The following TLR1 variants were observed in gnomAD, a reference collection of about 807,000 sequenced individuals.
The protein encoded by TLR1 is toll-like receptor 1.
A neutral mutation model predicts 20.2 loss-of-function variants in TLR1; 19 were observed. The observed-to-expected ratio is 0.94, with a 90% CI of 0.66 to 1.38. The LOEUF (loss-of-function observed/expected upper bound fraction) is 1.38. Among genes scored for constraint, TLR1 ranks in the 40% most tolerant of loss-of-function variants. TLR1 has a pLI of 0.00. For synonymous variants in TLR1, 320 were observed against 334.5 expected (o/e 0.96, Z 0.47); for missense variants, 921 against 910.0 (o/e 1.01, Z -0.16).
downstream of TLR1, among the ~76,000 whole-genome samples, chr4:38,792,316 A>G (rs1361831366): frequency 6.6e-6 from 1 of 152,184 alleles, no homozygotes; most frequent in African/African-American, 2.4e-5. Flanking sequence ...AAATTTTTCA[A>G]GTACAGAAAA....
At position 38,797,431 on chromosome 4, in the gene TLR1, C is replaced by T. The variant is rs1726186553; in HGVS notation, c.1401G>A (p.Leu467=). The T allele has an allele frequency of 1.9e-6, 3 of 1,614,018 alleles. No homozygotes were observed. Among genetic ancestry groups the T allele is most frequent in the Admixed American group, 1.7e-5 (1 of 59,994 alleles). Residue 467 remains leucine (L), a synonymous_variant, in exon 4 of 4, where the codon CTG becomes CTA. Coordinates refer to ENST00000308979, the MANE Select transcript of TLR1 (RefSeq NM_003263.4). ...IKSIPKQVVK[L]EALQELNVAF... is the part of the protein sequence containing the mutation. ...CAACATTGAGTTCTTGCAAAGCTTC[C>T]AGTTTTACGACTTGTTTAGGAATGC...
rs779254336 is a variant in TLR1 at position 38,797,003 on chromosome 4, A to G, written c.1829T>C (p.Leu610Pro). 2.5e-5 allele frequency: 40 copies of G among 1,614,086 alleles called. No homozygotes were observed. Among genetic ancestry groups the G allele is most frequent in the Non-Finnish European group, 3.4e-5 (40 of 1,180,050 alleles). Residue 610 changes from leucine to proline, a missense_variant, in exon 4 of 4, where the codon CTC becomes CCC. Coordinates refer to ENST00000308979, the MANE Select transcript of TLR1 (RefSeq NM_003263.4). ...LCSYLDLPWY[L>P]RMVCQWTQTR... ...CTGGGTCCACTGGCACACCATCCTG[A>G]GATACCAGGGCAGATCCAAGTAGCT...
At chr4:38,791,750 T>C (rs946420814), downstream of TLR1, among the ~76,000 whole-genome samples, 3 of 152,278 alleles carry the variant, frequency 2.0e-5, no homozygotes, top group Non-Finnish European at 2.9e-5. Flanking sequence ...CTAACATTTA[T>C]TGAGCTTTTG....
exon 4 of TLR1, chr4:38,791,066 T>A (rs1447496723): frequency 6.6e-6 from 1 of 152,224 alleles, no homozygotes; most frequent in African/African-American, 2.4e-5. Flanking sequence ...AACTGTGTCC[T>A]AGTAGGATGA....
Position 38,796,628 on chromosome 4 carries a change from G to T in TLR1, c.2204C>A (p.Pro735Gln), listed in dbSNP as rs759915354. 7 of 1,614,064 alleles carry T rather than the reference G, an allele frequency of 4.3e-6. No homozygotes were observed. Among genetic ancestry groups the T allele is most frequent in the Non-Finnish European group, 5.9e-6 (7 of 1,180,048 alleles). The change falls in exon 4 of 4, where the codon CCG becomes CAG. Residue 735 changes from proline (P) to glutamine (Q), a missense_variant. By Grantham distance (76) the Pro-to-Gln change is moderately conservative. Coordinates refer to ENST00000308979, the MANE Select transcript of TLR1 (RefSeq NM_003263.4). ...ATAACTGCTAGGAATGGAGTACTGC[G>T]GAATGGGTTCCAGCAAGATCAGGAT... ...SLILILLEPIPQYSIPSSYHK... is the reference protein window; with the variant it reads ...SLILILLEPIQQYSIPSSYHK...
At chr4:38,790,368 A>C (rs546877859), downstream of TLR1, among the ~76,000 whole-genome samples, 7 of 152,240 alleles carry the variant, frequency 4.6e-5, no homozygotes, top group Non-Finnish European at 8.8e-5. Context: ...TATATGTTGC[A>C]AATGATTTTT....
chr4:38,803,406 G>A (rs1461674437), intron 2 of TLR1, among the ~76,000 whole-genome samples: 1 of 152,164 alleles, frequency 6.6e-6, no homozygotes, highest in South Asian at 2.1e-4. Context: ...GACCCATATG[G>A]ATTCACCACT....
In TLR1 at chr4:38,796,264, A is replaced by T; in HGVS notation, c.*207T>A. On this transcript the variant is annotated 3_prime_UTR_variant, in exon 4 of 4. Coordinates refer to ENST00000308979, the MANE Select transcript of TLR1 (RefSeq NM_003263.4). ...GAAACAAGTGGATCCCTTATGTGTCAGAACTGTTTAAATCAAAGTTATATC... is the reference window on the plus strand; with the variant it reads ...GAAACAAGTGGATCCCTTATGTGTCTGAACTGTTTAAATCAAAGTTATATC... 1.7e-6 allele frequency: 1 copy of T among 584,424 alleles called. No individual in the cohort carries two copies. Among genetic ancestry groups the T allele is most frequent in the Non-Finnish European group, 2.9e-6 (1 of 339,010 alleles). The allele number at this position is 584,424 out of a possible 1,614,324, so 36.2% of individuals were successfully genotyped here. A position where few individuals can be genotyped will look rare whatever the true frequency, so the allele number is the denominator to read the frequency against.
downstream of TLR1, among the ~76,000 whole-genome samples, chr4:38,792,036 C>T (rs1350898684): frequency 6.6e-6 from 1 of 152,098 alleles, no homozygotes; most frequent in East Asian, 1.9e-4. Flanking sequence ...ATTGTACCAC[C>T]GATTTCTAAA....
downstream of TLR1, among the ~76,000 whole-genome samples, chr4:38,795,621 A>C (rs149277446): frequency 7.9e-5 from 12 of 152,234 alleles, no homozygotes; most frequent in Non-Finnish European, 1.2e-4. Flanking sequence ...CTGAGGTGGA[A>C]CACTTTCTTG....
rs1726044513 is a variant in TLR1 at position 38,796,269 on chromosome 4, T to A, written c.*202A>T. 7 of 594,342 alleles carry A rather than the reference T, an allele frequency of 1.2e-5. No homozygotes were observed. Among genetic ancestry groups the A allele is most frequent in the South Asian group, 7.0e-5 (3 of 43,144 alleles). The allele number at this position is 594,342 out of a possible 1,614,324, so 36.8% of individuals were successfully genotyped here. On this transcript the variant is annotated 3_prime_UTR_variant, in exon 4 of 4. Transcript: ENST00000308979. ...AAGTGGATCCCTTATGTGTCAGAAC[T>A]GTTTAAATCAAAGTTATATCATTTC...
rs768928755 is a variant in TLR1, at chr4:38,798,770, A to C, written c.62T>G (p.Leu21Ter). ...AACTAAAAATTCACTTTCTTCAGATAATTGTATTCTGATCTGAAGTATTAA... is the reference window on the plus strand; with the variant it reads ...AACTAAAAATTCACTTTCTTCAGATCATTGTATTCTGATCTGAAGTATTAA... ...FMLILQIRIQ[L>*]SEESEFLVDR... Residue 21 changes from leucine (L) to a stop codon, truncating the protein, a stop_gained, in exon 4 of 4, where the codon TTA becomes TGA. Coordinates refer to ENST00000308979, the MANE Select transcript of TLR1 (RefSeq NM_003263.4). LOFTEE classifies it low-confidence loss of function (END_TRUNC). 1.2e-6 allele frequency: 2 copies of C among 1,611,666 alleles called. No homozygotes were observed. Among genetic ancestry groups the C allele is most frequent in the Non-Finnish European group, 1.7e-6 (2 of 1,179,542 alleles).
Position 38,796,520 on chromosome 4 carries a change from T to G in TLR1, c.2312A>C (p.Asn771Thr), listed in dbSNP as rs1238756601. 6.2e-7 allele frequency: 1 copy of G among 1,614,060 alleles called. No individual in the cohort carries two copies. The highest frequency in any genetic ancestry group is 8.5e-7 in the Non-Finnish European group (1 of 1,179,908). Reference protein sequence around the residue: ...EKSKRGLFWANLRAAINIKLT... With the variant: ...EKSKRGLFWATLRAAINIKLT... Reference sequence around the variant, plus strand: ...CTTAATATTAATGGCTGCCCTTAAGTTAGCCCAAAAAAGGCCACGTTTGCT... The same window carrying G: ...CTTAATATTAATGGCTGCCCTTAAGGTAGCCCAAAAAAGGCCACGTTTGCT... Residue 771 changes from asparagine (N) to threonine (T), a missense_variant, in exon 4 of 4, where the codon AAC (asparagine) becomes ACC (threonine). Transcript: ENST00000308979.
Position 38,796,602 on chromosome 4 carries a change from G to C in TLR1, c.2230C>G (p.His744Asp). ...IPQYSIPSSY[H>D]KLKSLMARRT... The stretch of plus-strand genomic sequence containing the variant: ...CTGGCCATGAGACTTTTGAGCTTGT[G>C]ATAACTGCTAGGAATGGAGTACTGC... Residue 744 changes from histidine (H) to aspartate (D), a missense_variant, in exon 4 of 4, where the codon CAC becomes GAC. Transcript: ENST00000308979. 6.2e-7 allele frequency: 1 copy of C among 1,614,178 alleles called. No homozygotes were observed. The highest frequency in any genetic ancestry group is 8.5e-7 in the Non-Finnish European group (1 of 1,180,028).
chr4:38,804,534 C>T (rs1403547294), intron 1 of TLR1, among the ~76,000 whole-genome samples, 152 bp from the exon 2 acceptor site: 4 of 152,198 alleles, frequency 2.6e-5, no homozygotes, highest in Admixed American at 2.0e-4. Flanking sequence ...AAATCACACA[C>T]GAGGTGTTAT....
At chr4:38,801,765 C>A (rs924166646) in intron 2 of TLR1, among the ~76,000 whole-genome samples, 1 of 152,104 alleles carries the variant, frequency 6.6e-6, no homozygotes, top group Non-Finnish European at 1.5e-5. Flanking sequence ...GCTATCATCA[C>A]AAAAATATAT....
chr4:38,793,680 C>A (rs1725856548), downstream of TLR1, among the ~76,000 whole-genome samples: 1 of 152,078 alleles, frequency 6.6e-6, no homozygotes, highest in African/African-American at 2.4e-5. Flanking sequence ...CTCTAAGTGA[C>A]TTTAGGTTCC....
rs953159848 is a variant in TLR1 at position 38,797,147 on chromosome 4, T to C, written c.1685A>G (p.Tyr562Cys). Residue 562 changes from tyrosine to cysteine, a missense_variant, in exon 4 of 4, where the codon TAT becomes TGT. Tyr to Cys is a radical substitution (Grantham distance 194). Transcript: ENST00000308979. Reference protein sequence around the residue: ...DSYKCDYPESYRGTLLKDFHM... With the variant: ...DSYKCDYPESCRGTLLKDFHM... ...AAAGTCCTTTAGTAGGGTTCCTCTA[T>C]AACTTTCCGGGTAGTCACACTTATA... 1.9e-6 allele frequency: 3 copies of C among 1,614,140 alleles called. No individual in the cohort carries two copies. Among genetic ancestry groups the C allele is most frequent in the African/African-American group, 2.7e-5 (2 of 74,950 alleles).
At chr4:38,802,948 GAA>G (rs1726773090) in intron 2 of TLR1, among the ~76,000 whole-genome samples, 1 of 152,150 alleles carries the variant, frequency 6.6e-6, no homozygotes, top group African/African-American at 2.4e-5. Context: ...GGCAGCCAGA[GAA>G]AGAGAGAGAG....
Sources: gnomAD v4.1 joint callset for allele counts (sites outside exome capture counted in the v4.1 genomes callset) on GRCh38, gnomAD v4.1.1 for gene constraint, MANE v1.5 for transcripts, NCBI Gene and HGNC (gene_info 2026-07-23, HGNC 2026-07-21) for gene names.